Variants in MAP3K9 observed in about 807,000 individuals in gnomAD.
MAP3K9 encodes the protein mixed lineage kinase 1 (tyr and ser/thr specificity).
A neutral mutation model predicts 95.8 loss-of-function variants in MAP3K9; 46 were observed. The observed-to-expected ratio is 0.48, with a 90% CI of 0.38 to 0.61. MAP3K9 has a LOEUF of 0.61. Among genes scored for constraint, MAP3K9 ranks in the 20% least tolerant of loss-of-function variants. The pLI, the probability that MAP3K9 is intolerant of heterozygous loss-of-function variation, is 0.00. For missense variants in MAP3K9, 1,296 were observed against 1,474.3 expected, an observed-to-expected ratio of 0.88 and a Z score of 1.98; for synonymous variants, 533 against 593.8, an observed-to-expected ratio of 0.90 and a Z score of 1.49.
intron 4 of MAP3K9, among the ~76,000 whole-genome samples, chr14:70,749,348 G>A (rs1461473964): frequency 6.6e-6 from 1 of 152,162 alleles, no homozygotes; most frequent in Non-Finnish European, 1.5e-5. Context: ...ACAGACAATG[G>A]GGAATTATGC....
At position 70,748,905 on chromosome 14, in the gene MAP3K9, T is replaced by C. The variant is rs1223995350; in HGVS notation, c.1250A>G (p.Asp417Gly). Reference protein sequence around the residue: ...EESGFFEMPKDSFHCLQDNWK... With the variant: ...EESGFFEMPKGSFHCLQDNWK... ...GTTGTCCTGCAGGCAGTGGAAGGAGTCCTTGGGCATTTCAAAGAAACCAGA... is the reference window on the plus strand; with the variant it reads ...GTTGTCCTGCAGGCAGTGGAAGGAGCCCTTGGGCATTTCAAAGAAACCAGA... Residue 417 changes from aspartate to glycine, a missense_variant, in exon 5 of 12, where the codon GAC becomes GGC. Physicochemically the swap from Asp to Gly is moderately conservative, Grantham distance 94 (BLOSUM62 -1). This residue lies in a region of MAP3K9 where 136 missense variants were observed against 221.5 expected (regional missense o/e 0.61). Coordinates refer to ENST00000554752, the MANE Select transcript of MAP3K9 (RefSeq NM_001284230.2). 1.2e-6 allele frequency: 2 copies of C among 1,613,602 alleles called. No individual in the cohort carries two copies. Among genetic ancestry groups the C allele is most frequent in the Admixed American group, 3.3e-5 (2 of 59,912 alleles).
intron 9 of MAP3K9, 113 bp downstream of exon 9, chr14:70,735,848 G>C: frequency 1.2e-6 from 1 of 851,840 alleles, no homozygotes; most frequent in Non-Finnish European, 2.0e-6. Flanking sequence ...AAAAAAGTCA[G>C]TTCAGCCCTG....
chr14:70,743,834 A>C (rs887779278), intron 5 of MAP3K9, among the ~76,000 whole-genome samples: 1 of 152,238 alleles, frequency 6.6e-6, no homozygotes, highest in African/African-American at 2.4e-5. Flanking sequence ...ATACCATTTG[A>C]CCCAGCAATC....
intron 5 of MAP3K9, among the ~76,000 whole-genome samples, chr14:70,748,233 C>T (rs995362568): frequency 2.0e-5 from 3 of 152,150 alleles, no homozygotes; most frequent in African/African-American, 7.2e-5. Context: ...ACTGGCTTCA[C>T]CTGTGTGTAC....
rs1016751326 is a variant in MAP3K9, at chr14:70,733,291, G to A, written c.2078C>T (p.Ser693Leu). The A allele has an allele frequency of 3.1e-6, 5 of 1,603,054 alleles. No individual in the cohort carries two copies. In the African/African-American group the frequency reaches 6.7e-5, roughly 21 times the overall value. ...PGSGESRLQH[S>L]PSQSYLCIPF... is the part of the protein sequence containing the mutation. ...GATACAGAGGTAGGACTGGCTGGGTGAATGCTGTAGGCGACTCTCTCCACT... is the reference window on the plus strand; with the variant it reads ...GATACAGAGGTAGGACTGGCTGGGTAAATGCTGTAGGCGACTCTCTCCACT... Residue 693 changes from serine (S) to leucine (L), a missense_variant, in exon 11 of 12, where the codon TCA (serine) becomes TTA (leucine). Coordinates refer to ENST00000554752, the MANE Select transcript of MAP3K9 (RefSeq NM_001284230.2).
intron 2 of MAP3K9, among the ~76,000 whole-genome samples, chr14:70,799,165 C>A (rs1327851346): frequency 1.4e-5 from 2 of 146,798 alleles, no homozygotes; most frequent in East Asian, 1.9e-4. Flanking sequence ...TAGACACTTA[C>A]TACTTACATA....
chr14:70,781,317 G>A (rs527761125), intron 2 of MAP3K9, among the ~76,000 whole-genome samples: 1 of 152,298 alleles, frequency 6.6e-6, no homozygotes, highest in East Asian at 1.9e-4. Flanking sequence ...CAGCAGTCCT[G>A]GCCTCCAGCT....
intron 2 of MAP3K9, among the ~76,000 whole-genome samples, chr14:70,784,825 T>C (rs938218375): frequency 3.9e-5 from 6 of 152,150 alleles, no homozygotes; most frequent in African/African-American, 1.2e-4. Context: ...TCAGGTCTTG[T>C]GCATTTTAGG....
chr14:70,782,876 C>T (rs1158407968), intron 2 of MAP3K9, among the ~76,000 whole-genome samples: 1 of 152,310 alleles, frequency 6.6e-6, no homozygotes, highest in African/African-American at 2.4e-5. Flanking sequence ...CAAAACTATA[C>T]AAATTCTCTA....
At position 70,725,903 on chromosome 14, in the gene MAP3K9, C is replaced by T. The variant is rs540941507; in HGVS notation, c.*4477G>A. The T allele has an allele frequency of 2.9e-4, 44 of 152,422 alleles. No individual in the cohort carries two copies. The highest frequency in any genetic ancestry group is 1.2e-3 in the Admixed American group (19 of 15,300). The allele number at this position is 152,422 out of a possible 1,614,324, so 9.4% of individuals were successfully genotyped here. ...GCAAGGCTGCAGTTTCTGTGCAGGA[C>T]TCATGGCCCCAGGACCATACATTTG... is the stretch of plus-strand genomic sequence containing the variant. On this transcript the variant is annotated 3_prime_UTR_variant, in exon 12 of 12. Coordinates refer to ENST00000554752, the MANE Select transcript of MAP3K9 (RefSeq NM_001284230.2).
At chr14:70,740,961 C>A (rs2054061901) in intron 6 of MAP3K9, among the ~76,000 whole-genome samples, 1 of 152,204 alleles carries the variant, frequency 6.6e-6, no homozygotes, top group Non-Finnish European at 1.5e-5. Flanking sequence ...AGGGGACCAG[C>A]AAACACGGCT....
chr14:70,797,003 G>A (rs561324040), intron 2 of MAP3K9, among the ~76,000 whole-genome samples: 146 of 152,300 alleles, frequency 9.6e-4, no homozygotes, highest in African/African-American at 3.4e-3. Flanking sequence ...GATACTATAT[G>A]CCATACGCGT....
rs1360507242 is a variant in MAP3K9, at chr14:70,748,578, A to C, written c.1326+251T>G. On this transcript the variant is annotated intron_variant, in intron 5 of 11. Transcript: ENST00000554752. Reference sequence around the variant, plus strand: ...CATTTCCAGAACTTCTCATATTTCCAGCTGGCAGGGTGAGACATTCCACTG... The same window carrying C: ...CATTTCCAGAACTTCTCATATTTCCCGCTGGCAGGGTGAGACATTCCACTG... Among the ~76,000 whole-genome samples the C allele has an allele frequency of 2.0e-5, 3 of 152,182 alleles. No homozygotes were observed. In the East Asian group the frequency reaches 5.8e-4, roughly 29 times the overall value.
chr14:70,759,780 G>A (rs1308788055), intron 3 of MAP3K9, among the ~76,000 whole-genome samples: 3 of 152,172 alleles, frequency 2.0e-5, no homozygotes, highest in East Asian at 1.9e-4. Context: ...CTTGAGACAG[G>A]GTCTCTCTCT....
At chr14:70,759,864 C>T (rs1302116049) in intron 3 of MAP3K9, among the ~76,000 whole-genome samples, 1 of 152,190 alleles carries the variant, frequency 6.6e-6, no homozygotes, top group Non-Finnish European at 1.5e-5. Flanking sequence ...AAGTAATCCT[C>T]CCATCTCAGC....
chr14:70,730,729 A>G lies in MAP3K9; in HGVS notation c.2966T>C (p.Leu989Pro). 6.2e-7 allele frequency: 1 copy of G among 1,613,804 alleles called. No homozygotes were observed. Among genetic ancestry groups the G allele is most frequent in the Non-Finnish European group, 8.5e-7 (1 of 1,180,014 alleles). ...QDSTLERPKT[L>P]EFLPRPRPSA... is the part of the protein sequence containing the mutation. ...AGGACGCGGCCGAGGCAGAAACTCC[A>G]GAGTCTTGGGTCTCTCCAAGGTAGA... Residue 989 changes from leucine to proline, a missense_variant, in exon 12 of 12, where the codon CTG becomes CCG. Transcript: ENST00000554752.
chr14:70,756,543 C>A (rs1387435308), intron 3 of MAP3K9, among the ~76,000 whole-genome samples: 2 of 152,184 alleles, frequency 1.3e-5, no homozygotes, highest in Non-Finnish European at 2.9e-5. Flanking sequence ...CAGGTGTGCC[C>A]ACATAACCAA....
intron 11 of MAP3K9, among the ~76,000 whole-genome samples, chr14:70,731,113 G>A (rs2053896734): frequency 7.6e-6 from 1 of 132,208 alleles, no homozygotes; most frequent in African/African-American, 2.5e-5. Context: ...GAAGGCAGAT[G>A]TTGGCAAATG....
Position 70,725,704 on chromosome 14 carries a change from T to C in MAP3K9, c.*4676A>G, listed in dbSNP as rs1412904770. 2 of 152,208 alleles carry C rather than the reference T, an allele frequency of 1.3e-5. No individual in the cohort carries two copies. Among genetic ancestry groups the C allele is most frequent in the African/African-American group, 2.4e-5 (1 of 41,446 alleles). The allele number at this position is 152,208 out of a possible 1,614,324, so 9.4% of individuals were successfully genotyped here. ...GCATTTGGTAATGCGTTTCTAACAA[T>C]AGTATACCTTGACAAAGACAAGTCA... On this transcript the variant is annotated 3_prime_UTR_variant, in exon 12 of 12. Coordinates refer to ENST00000554752, the MANE Select transcript of MAP3K9 (RefSeq NM_001284230.2).
Sources: allele counts gnomAD v4.1 joint callset (sites outside exome capture counted in the v4.1 genomes callset), GRCh38; gene constraint gnomAD v4.1.1; regional missense constraint gnomAD v4.1.1; transcripts MANE v1.5; gene names NCBI Gene and HGNC (gene_info 2026-07-23, HGNC 2026-07-21).